Variants in MRTFA observed in about 807,000 individuals in gnomAD.
MRTFA encodes myocardin-related transcription factor A.
MRTFA carries 20 observed loss-of-function variants against 83.5 expected under a neutral mutation model. That is an observed-to-expected ratio of 0.24 (90% CI 0.17 to 0.35). The LOEUF is 0.35. MRTFA is among the 10% of genes least tolerant of loss of function. The probability of loss-of-function intolerance (pLI) is 1.00; values close to 1 mark genes in which losing one functional copy is unlikely to be tolerated. For synonymous variants in MRTFA, 659 were observed against 541.2 expected (o/e 1.22, Z -3.02); for missense variants, 1,200 against 1,224.7 (o/e 0.98, Z 0.30).
rs921139616 is a variant in MRTFA, at chr22:40,443,249, C to CA, written c.308-7696dup. 2.8e-3 allele frequency among the ~76,000 whole-genome samples: 413 copies of CA among 148,090 alleles called. 2 individuals carry two copies. The highest frequency in any genetic ancestry group is 7.3e-3 in the African/African-American group (292 of 40,200). On this transcript the variant is annotated intron_variant, in intron 4 of 14. Transcript: ENST00000355630. Reference sequence around the variant, plus strand: ...CCTGAGCGACACAGCAAGACTGTCTCAAAAAAAAACAAAAACAAAAACAAA... The same window carrying CA: ...CCTGAGCGACACAGCAAGACTGTCTCAAAAAAAAAACAAAAACAAAAACAAA...
At chr22:40,436,587 A>G (rs957063875) in intron 4 of MRTFA, among the ~76,000 whole-genome samples, 1 of 152,184 alleles carries the variant, frequency 6.6e-6, no homozygotes, top group African/African-American at 2.4e-5. Flanking sequence ...AGACCAAACC[A>G]AGAGCCTCCA....
intron 6 of MRTFA, among the ~76,000 whole-genome samples, chr22:40,431,080 C>T (rs1211339262): frequency 1.3e-5 from 2 of 152,086 alleles, no homozygotes; most frequent in African/African-American, 4.8e-5. Flanking sequence ...GTGGCTTGTG[C>T]CTACAATCAC....
At position 40,519,473 on chromosome 22, in the gene MRTFA, CCT is replaced by C. The variant is rs1380344349; in HGVS notation, c.241+32631_241+32632del. 3 of 1,341,110 alleles carry C rather than the reference CCT, an allele frequency of 2.2e-6. No homozygotes were observed. The African/African-American group carries it at 4.5e-5, about 20-fold the overall frequency. 83.1% of individuals were successfully genotyped at this position (1,341,110 alleles called of 1,614,324 possible). A position where few individuals can be genotyped will look rare whatever the true frequency, so the allele number is the denominator to read the frequency against. On this transcript the variant is annotated intron_variant, in intron 3 of 14. Transcript: ENST00000355630. Reference sequence around the variant, plus strand: ...TTTTAGCGTTACCTACCAGTGCTGCCCTCTCTTCTCATGCTTGCTTACTTCCT... The same window carrying C: ...TTTTAGCGTTACCTACCAGTGCTGCCCTCTTCTCATGCTTGCTTACTTCCT...
At chr22:40,545,513 A>G (rs1175654824) in intron 3 of MRTFA, among the ~76,000 whole-genome samples, 4 of 150,472 alleles carry the variant, frequency 2.7e-5, no homozygotes, top group Admixed American at 6.6e-5. Flanking sequence ...GCTCACTGCA[A>G]CCTCCGCCTC....
chr22:40,592,691 C>A (rs1281229449), intron 2 of MRTFA, among the ~76,000 whole-genome samples: 1 of 151,900 alleles, frequency 6.6e-6, no homozygotes, highest in Admixed American at 6.6e-5. Flanking sequence ...CAGGATTTCA[C>A]CATGTTGCCC....
chr22:40,414,843 A>G (rs1717804013), intron 14 of MRTFA, among the ~76,000 whole-genome samples: 1 of 152,208 alleles, frequency 6.6e-6, no homozygotes, highest in African/African-American at 2.4e-5. Context: ...ACATTTAAAA[A>G]ATGATTAGAA....
intron 5 of MRTFA, among the ~76,000 whole-genome samples, chr22:40,432,965 A>C (rs576427206): frequency 2.0e-5 from 3 of 152,324 alleles, no homozygotes; most frequent in African/African-American, 7.2e-5. Context: ...CTGAGGTAGA[A>C]TATAGTACTG....
chr22:40,463,773 T>A (rs2053760141), intron 3 of MRTFA, among the ~76,000 whole-genome samples: 1 of 152,224 alleles, frequency 6.6e-6, no homozygotes, highest in Admixed American at 6.5e-5. Context: ...CTAAAAATTA[T>A]AGCCATTTCA....
At chr22:40,463,197 A>G in intron 4 of MRTFA, 24 bp downstream of exon 4, 1 of 1,607,110 alleles carries the variant, frequency 6.2e-7, no homozygotes, top group Non-Finnish European at 8.5e-7. Context: ...AATCTACCAA[A>G]TGCTGAGAGA....
intron 1 of MRTFA, among the ~76,000 whole-genome samples, chr22:40,606,392 T>A (rs1025566328): frequency 1.1e-4 from 16 of 152,242 alleles, no homozygotes; most frequent in African/African-American, 3.6e-4. Flanking sequence ...AATGCCTACA[T>A]CTGTTAAATA....
chr22:40,521,029 G>C (rs894874103), intron 3 of MRTFA, among the ~76,000 whole-genome samples: 2 of 151,786 alleles, frequency 1.3e-5, no homozygotes, highest in African/African-American at 4.8e-5. Flanking sequence ...CACATAATAA[G>C]AAATAATAAA....
intron 3 of MRTFA, among the ~76,000 whole-genome samples, chr22:40,488,960 C>G (rs557554852): frequency 4.3e-4 from 66 of 152,090 alleles, no homozygotes; most frequent in Non-Finnish European, 7.6e-4. Context: ...TTAGATCTTT[C>G]ATAGATCTAA....
chr22:40,494,743 A>G (rs2054323663), intron 3 of MRTFA, among the ~76,000 whole-genome samples: 1 of 152,140 alleles, frequency 6.6e-6, no homozygotes, highest in Non-Finnish European at 1.5e-5. Flanking sequence ...ATTTTTAAAA[A>G]CCCAATAAAC....
intron 3 of MRTFA, among the ~76,000 whole-genome samples, chr22:40,549,546 G>A (rs530868555): frequency 1.3e-5 from 2 of 152,334 alleles, no homozygotes; most frequent in African/African-American, 2.4e-5. Context: ...AGTTTCCTTT[G>A]AGCAAGGGGA....
chr22:40,500,324 T>TTG (rs1401929502), intron 3 of MRTFA, among the ~76,000 whole-genome samples: 41 of 130,420 alleles, frequency 3.1e-4, no homozygotes, highest in African/African-American at 1.0e-3. Context: ...TTTCTTTTTT[T>TTG]TTGTTACAGT....
intron 3 of MRTFA, among the ~76,000 whole-genome samples, chr22:40,478,435 ACTTT>A (rs2054033829): frequency 6.6e-6 from 1 of 152,128 alleles, no homozygotes; most frequent in Non-Finnish European, 1.5e-5. Flanking sequence ...TATCTTTGTA[ACTTT>A]CTTCTAAGTC....
At chr22:40,432,768 G>A (rs1225610284) in intron 5 of MRTFA, among the ~76,000 whole-genome samples, 1 of 152,140 alleles carries the variant, frequency 6.6e-6, no homozygotes, top group Non-Finnish European at 1.5e-5. Flanking sequence ...CAGCCCAGGG[G>A]AGGCTGAGCA....
At chr22:40,464,309 GAAAAAA>G (rs398040500) in intron 3 of MRTFA, among the ~76,000 whole-genome samples, 2 of 56,262 alleles carry the variant, frequency 3.6e-5, no homozygotes, top group African/African-American at 1.6e-4. Flanking sequence ...GCTGTCTCAG[GAAAAAA>G]AAAAAAAAAA....
chr22:40,585,324 T>C (rs1417866177), intron 2 of MRTFA, among the ~76,000 whole-genome samples: 1 of 152,252 alleles, frequency 6.6e-6, no homozygotes, highest in African/African-American at 2.4e-5. Flanking sequence ...AAGTTATATA[T>C]GCTGTATGAT....
Sources: allele counts gnomAD v4.1 joint callset (sites outside exome capture counted in the v4.1 genomes callset), GRCh38; gene constraint gnomAD v4.1.1; transcripts MANE v1.5; gene names NCBI Gene and HGNC (gene_info 2026-07-23, HGNC 2026-07-21).